The following NTNG1 variants were observed in gnomAD, a reference collection of about 807,000 sequenced individuals.
The protein encoded by NTNG1 is netrin G1, also known as netrin-G1.
In NTNG1, 16 loss-of-function variants were observed where a neutral mutation model predicts 54.0. That is an observed-to-expected ratio of 0.30 (90% confidence interval 0.20 to 0.45). The LOEUF is 0.45. Among genes scored for constraint, NTNG1 ranks in the 20% least tolerant of loss-of-function variants. The probability of loss-of-function intolerance (pLI) is 1.00; values close to 1 mark genes in which losing one functional copy is unlikely to be tolerated. For synonymous variants in NTNG1, 255 were observed against 263.1 expected, an observed-to-expected ratio of 0.97 and a Z score of 0.30; for missense variants, 530 against 678.7, an observed-to-expected ratio of 0.78 and a Z score of 2.43.
rs866948172 is a variant in NTNG1, at chr1:107,282,300, C to T, written c.247-41982C>T. 7.2e-5 allele frequency among the ~76,000 whole-genome samples: 11 copies of T among 152,244 alleles called. No individual in the cohort carries two copies. In the Middle Eastern group the frequency reaches 0.017, roughly 235 times the overall value. ...CAACCCTTTCCTGTCTGTTCTTTCT[C>T]CCTACGAACCTTCATCCTGAGACTT... On this transcript the variant is annotated intron_variant, in intron 2 of 7. Coordinates refer to ENST00000370068, the MANE Select transcript of NTNG1 (RefSeq NM_001113226.3).
At chr1:107,464,634 C>A (rs563261816) in intron 7 of NTNG1, among the ~76,000 whole-genome samples, 22 of 152,238 alleles carry the variant, frequency 1.4e-4, no homozygotes, top group African/African-American at 5.1e-4. Context: ...GGTCAGACAG[C>A]ATACCAAGCA....
chr1:107,453,929 C>T (rs552898393), intron 7 of NTNG1, among the ~76,000 whole-genome samples: 1 of 152,154 alleles, frequency 6.6e-6, no homozygotes, highest in Non-Finnish European at 1.5e-5. Flanking sequence ...GCTGATAGAG[C>T]TATTATAAAA....
At chr1:107,223,530 A>T (rs184101055) in intron 2 of NTNG1, among the ~76,000 whole-genome samples, 1 of 152,132 alleles carries the variant, frequency 6.6e-6, no homozygotes, top group Admixed American at 6.5e-5. Flanking sequence ...CATTAATGAC[A>T]TGTTTTTAAG....
chr1:107,428,081 C>A (rs568815753), intron 5 of NTNG1, among the ~76,000 whole-genome samples: 1 of 152,208 alleles, frequency 6.6e-6, no homozygotes, highest in South Asian at 2.1e-4. Context: ...GCAGACTCTA[C>A]AGAATCCTTT....
chr1:107,281,234 A>G (rs1664839894), intron 2 of NTNG1, among the ~76,000 whole-genome samples: 1 of 152,136 alleles, frequency 6.6e-6, no homozygotes, highest in Non-Finnish European at 1.5e-5. Context: ...ACAATTATGT[A>G]CATATAAAAC....
intron 2 of NTNG1, among the ~76,000 whole-genome samples, chr1:107,185,289 G>A (rs1657368421): frequency 6.6e-6 from 1 of 152,168 alleles, no homozygotes; most frequent in Non-Finnish European, 1.5e-5. Context: ...AGTGTTGGCA[G>A]GACTGCACTC....
intron 5 of NTNG1, among the ~76,000 whole-genome samples, chr1:107,430,166 A>G (rs1341305932): frequency 2.0e-5 from 3 of 152,176 alleles, no homozygotes; most frequent in Non-Finnish European, 4.4e-5. Context: ...TAAGAAAGCC[A>G]TCTTCTCTTA....
intron 2 of NTNG1, among the ~76,000 whole-genome samples, chr1:107,305,307 G>C (rs1169764616): frequency 6.6e-6 from 1 of 152,108 alleles, no homozygotes; most frequent in African/African-American, 2.4e-5. Flanking sequence ...TTGAGGAATC[G>C]CCACACTGTC....
At chr1:107,395,527 C>T (rs770915030) in intron 4 of NTNG1, 3 of 743,156 alleles carry the variant, frequency 4.0e-6, no homozygotes, top group Non-Finnish European at 7.4e-6. Context: ...AGTCATCTAA[C>T]ATTCACATCA....
intron 5 of NTNG1, among the ~76,000 whole-genome samples, chr1:107,421,580 C>T (rs894328164): frequency 4.6e-5 from 7 of 152,040 alleles, no homozygotes; most frequent in Non-Finnish European, 8.8e-5. Flanking sequence ...GGAATTTATG[C>T]TTCCAAAAAA....
At chr1:107,442,864 G>T (rs749706247) in intron 7 of NTNG1, among the ~76,000 whole-genome samples, 12 of 152,210 alleles carry the variant, frequency 7.9e-5, no homozygotes, top group African/African-American at 1.2e-4. Context: ...GGGCTAACAA[G>T]TAGACATGGT....
chr1:107,382,387 C>T (rs1671704248), intron 3 of NTNG1, among the ~76,000 whole-genome samples: 1 of 152,168 alleles, frequency 6.6e-6, no homozygotes, highest in Admixed American at 6.5e-5. Context: ...TCATTTGACT[C>T]TAAAAATGTG....
intron 6 of NTNG1, among the ~76,000 whole-genome samples, chr1:107,434,072 TC>T (rs1458808569): frequency 6.6e-6 from 1 of 152,164 alleles, no homozygotes; most frequent in Non-Finnish European, 1.5e-5. Context: ...AAGGCACTAA[TC>T]TTGGAAACTT....
At chr1:107,458,615 T>C (rs1677093404) in intron 7 of NTNG1, among the ~76,000 whole-genome samples, 1 of 152,158 alleles carries the variant, frequency 6.6e-6, no homozygotes, top group Non-Finnish European at 1.5e-5. Flanking sequence ...ATTCACAGAT[T>C]AACAATATTC....
chr1:107,184,284 C>G lies in NTNG1; in HGVS notation c.246+35445C>G, dbSNP rs560779350. Among the ~76,000 whole-genome samples, 4 of 152,224 alleles carry G rather than the reference C, an allele frequency of 2.6e-5. No individual in the cohort carries two copies. In the South Asian group the frequency reaches 8.3e-4, roughly 32 times the overall value. ...CCACATACCACCATGCACTGGGGGT[C>G]AGGCAAGCATTCCTGTTCAAAAAAG... On this transcript the variant is annotated intron_variant, in intron 2 of 7. Transcript: ENST00000370068.
At chr1:107,285,631 A>G (rs1382327405) in intron 2 of NTNG1, among the ~76,000 whole-genome samples, 1 of 152,158 alleles carries the variant, frequency 6.6e-6, no homozygotes, top group Non-Finnish European at 1.5e-5. Flanking sequence ...GTGTTAATCC[A>G]CCAACTCTAA....
In NTNG1 at chr1:107,308,012, G is replaced by GT. The variant is rs201033868; in HGVS notation, c.247-16259dup. 7.0e-3 allele frequency among the ~76,000 whole-genome samples: 1,021 copies of GT among 146,442 alleles called. 8 individuals are homozygous for GT. The highest frequency in any genetic ancestry group is 0.022 in the African/African-American group (882 of 40,146). On this transcript the variant is annotated intron_variant, in intron 2 of 7. Coordinates refer to ENST00000370068, the MANE Select transcript of NTNG1 (RefSeq NM_001113226.3). Reference sequence around the variant, plus strand: ...CATGTCTTTGCCCACTTTTAATAGTGTTTTTTTTTTTCTTGTAAATTCATC... The same window carrying GT: ...CATGTCTTTGCCCACTTTTAATAGTGTTTTTTTTTTTTCTTGTAAATTCATC...
chr1:107,402,742 A>T (rs913859440), intron 4 of NTNG1, among the ~76,000 whole-genome samples: 1 of 152,144 alleles, frequency 6.6e-6, no homozygotes, highest in African/African-American at 2.4e-5. Context: ...TGCAATACAA[A>T]TGAATCTGCA....
At chr1:107,186,789 A>T (rs928980784) in intron 2 of NTNG1, among the ~76,000 whole-genome samples, 4 of 152,162 alleles carry the variant, frequency 2.6e-5, no homozygotes, top group African/African-American at 9.7e-5. Context: ...GACAATAATG[A>T]TAATAATAAT....
Sources: gnomAD v4.1 joint callset for allele counts (sites outside exome capture counted in the v4.1 genomes callset) on GRCh38, gnomAD v4.1.1 for gene constraint, MANE v1.5 for transcripts, NCBI Gene and HGNC (gene_info 2026-07-23, HGNC 2026-07-21) for gene names.